NRG1: variants seen among roughly 807,000 people sequenced by gnomAD.
NRG1 encodes the protein pro-neuregulin-1, membrane-bound isoform.
In NRG1, 18 loss-of-function variants were observed where a neutral mutation model predicts 63.8. The observed-to-expected ratio is 0.28, with a 90% confidence interval of 0.19 to 0.42. NRG1 has a LOEUF of 0.42. Ranked by LOEUF, NRG1 falls within the 10% of genes least tolerant of loss-of-function variation. NRG1 has a pLI of 1.00. For synonymous variants in NRG1, 302 were observed against 301.3 expected (o/e 1.00, Z -0.02); for missense variants, 762 against 814.7 (o/e 0.94, Z 0.79).
At chr8:32,202,950 G>T (rs756079594) in intron 1 of NRG1, among the ~76,000 whole-genome samples, 1 of 151,728 alleles carries the variant, frequency 6.6e-6, no homozygotes, top group Non-Finnish European at 1.5e-5. Context: ...CTACGCTTGA[G>T]GGTGGAACCC....
intron 1 of NRG1, among the ~76,000 whole-genome samples, chr8:32,082,443 C>T (rs1334592793): frequency 6.6e-6 from 1 of 151,942 alleles, no homozygotes; most frequent in African/African-American, 2.4e-5. Context: ...CCTTTAGCTC[C>T]CGCTTATTAG....
chr8:32,587,274 G>A (rs771541087), intron 1 of NRG1, among the ~76,000 whole-genome samples: 31 of 152,048 alleles, frequency 2.0e-4, no homozygotes, highest in Non-Finnish European at 4.1e-4. Flanking sequence ...TACAAGAACC[G>A]TCTGACCACT....
chr8:31,840,552 T>C (rs1174175038), intron 1 of NRG1, among the ~76,000 whole-genome samples: 3 of 152,102 alleles, frequency 2.0e-5, no homozygotes, highest in Non-Finnish European at 4.4e-5. Flanking sequence ...ATCTTACTCT[T>C]ACCTCGCACT....
At chr8:32,376,510 A>T (rs1318244281) in intron 1 of NRG1, among the ~76,000 whole-genome samples, 1 of 152,156 alleles carries the variant, frequency 6.6e-6, no homozygotes, top group Non-Finnish European at 1.5e-5. Flanking sequence ...CGAGATCAAT[A>T]AGAGTCTTCC....
chr8:32,119,622 C>A (rs771066724), intron 1 of NRG1, among the ~76,000 whole-genome samples: 7 of 151,980 alleles, frequency 4.6e-5, no homozygotes, highest in Non-Finnish European at 8.8e-5. Flanking sequence ...TGTTGTATAC[C>A]ACCTCCAGGC....
intron 1 of NRG1, among the ~76,000 whole-genome samples, chr8:32,371,991 C>CTTTTT (rs1289943893): frequency 4.7e-5 from 3 of 64,094 alleles, no homozygotes; most frequent in Admixed American, 4.1e-4. Context: ...TCTTCTTCTT[C>CTTTTT]ATTTTTTTTT....
intron 1 of NRG1, among the ~76,000 whole-genome samples, chr8:32,108,126 C>A (rs1831512506): frequency 1.3e-5 from 2 of 152,112 alleles, no homozygotes; most frequent in South Asian, 2.1e-4. Context: ...TAGGCAGAAC[C>A]ATGACCCTCC....
intron 1 of NRG1, among the ~76,000 whole-genome samples, chr8:32,041,120 A>C (rs1425699594): frequency 2.0e-5 from 3 of 152,130 alleles, no homozygotes; most frequent in African/African-American, 7.2e-5. Flanking sequence ...GAAGCTGACT[A>C]TCTAATTTGT....
chr8:32,556,860 G>A (rs1051586954), intron 1 of NRG1, among the ~76,000 whole-genome samples: 5 of 152,146 alleles, frequency 3.3e-5, no homozygotes, highest in African/African-American at 7.2e-5. Context: ...ATCCCACAGG[G>A]AATCTAAAAC....
chr8:32,150,726 A>G (rs919219683), intron 1 of NRG1, among the ~76,000 whole-genome samples: 2 of 152,190 alleles, frequency 1.3e-5, no homozygotes, highest in Admixed American at 1.3e-4. Flanking sequence ...TGAGCATCTC[A>G]GTGCCTTTGA....
At chr8:31,797,598 T>C (rs1232560240) in intron 1 of NRG1, among the ~76,000 whole-genome samples, 1 of 152,230 alleles carries the variant, frequency 6.6e-6, no homozygotes, top group East Asian at 1.9e-4. Flanking sequence ...GATCCAACAA[T>C]TGCACTATTG....
At chr8:31,787,070 G>A (rs896096853) in intron 1 of NRG1, among the ~76,000 whole-genome samples, 1 of 152,146 alleles carries the variant, frequency 6.6e-6, no homozygotes, top group African/African-American at 2.4e-5. Flanking sequence ...CAACTCATTG[G>A]CATACAAAAT....
In NRG1 at chr8:32,300,707, T is replaced by C. The variant is rs755037012; in HGVS notation, c.38-295121T>C. Among the ~76,000 whole-genome samples the C allele has an allele frequency of 3.9e-5, 6 of 152,226 alleles. 1 individual carries two copies. The highest frequency in any genetic ancestry group is 8.8e-5 in the Non-Finnish European group (6 of 68,034). The stretch of plus-strand genomic sequence containing the variant: ...CTTTAGATTGGATTAGCTAGAGCTA[T>C]ACACACGAGAGATGCACATCAGGCC... On this transcript the variant is annotated intron_variant, in intron 1 of 10. Transcript: ENST00000519301.
chr8:32,228,925 A>G (rs947393954), intron 1 of NRG1, among the ~76,000 whole-genome samples: 3 of 152,172 alleles, frequency 2.0e-5, no homozygotes, highest in Admixed American at 6.6e-5. Flanking sequence ...CGCCAAAGAA[A>G]TACCTACAAA....
intron 6 of NRG1, among the ~76,000 whole-genome samples, chr8:32,737,640 G>A (rs563331770): frequency 6.7e-6 from 1 of 150,142 alleles, no homozygotes; most frequent in African/African-American, 2.4e-5. Flanking sequence ...AGATTGACCT[G>A]TGCTTGCAAA....
chr8:32,280,685 T>A (rs1468620384), intron 1 of NRG1, among the ~76,000 whole-genome samples: 1 of 104,790 alleles, frequency 9.5e-6, no homozygotes, highest in Non-Finnish European at 1.9e-5. Context: ...ATTAGGTTTT[T>A]TTTTTGTTTT....
intron 1 of NRG1, among the ~76,000 whole-genome samples, chr8:31,952,363 C>T (rs1451007757): frequency 1.3e-5 from 2 of 152,176 alleles, no homozygotes; most frequent in African/African-American, 4.8e-5. Context: ...GGAAATGCTT[C>T]TGCTGGGAAA....
intron 1 of NRG1, among the ~76,000 whole-genome samples, chr8:32,269,496 AT>A (rs1169460356): frequency 6.6e-6 from 1 of 152,124 alleles, no homozygotes; most frequent in Non-Finnish European, 1.5e-5. Flanking sequence ...GTCATCTCAC[AT>A]TCTGTCTCAC....
At chr8:32,055,555 C>T (rs1280671401) in intron 1 of NRG1, among the ~76,000 whole-genome samples, 1 of 151,922 alleles carries the variant, frequency 6.6e-6, no homozygotes, top group South Asian at 2.1e-4. Context: ...AAATATAGAA[C>T]CTAAAGTTAC....
Sources: gnomAD v4.1 joint callset for allele counts (sites outside exome capture counted in the v4.1 genomes callset) on GRCh38, gnomAD v4.1.1 for gene constraint, MANE v1.5 for transcripts, NCBI Gene and HGNC (gene_info 2026-07-23, HGNC 2026-07-21) for gene names.